Variants in ELMO1 observed in about 807,000 individuals in gnomAD.
The protein encoded by ELMO1 is engulfment and cell motility 1.
Under a neutral mutation model 98.9 loss-of-function variants are expected in ELMO1, and 26 were observed. The ratio of observed to expected loss-of-function variants is 0.26; its 90% CI spans 0.19 to 0.36. The LOEUF (loss-of-function observed/expected upper bound fraction) is 0.36, where lower values mean the gene tolerates loss of function less well. Among genes scored for constraint, ELMO1 ranks in the 10% least tolerant of loss-of-function variants. The pLI is 1.00. For synonymous variants in ELMO1, 346 were observed against 346.0 expected (o/e 1.00, Z 0.00); for missense variants, 627 against 935.2 (o/e 0.67, Z 4.30).
intron 13 of ELMO1, among the ~76,000 whole-genome samples, chr7:37,162,914 TA>T (rs1789329232): frequency 6.6e-6 from 1 of 152,156 alleles, no homozygotes; most frequent in South Asian, 2.1e-4. Context: ...AGACTCTAAT[TA>T]AGAGTAAAAA....
intron 1 of ELMO1, among the ~76,000 whole-genome samples, chr7:37,392,262 T>A (rs984212043): frequency 2.6e-5 from 4 of 152,182 alleles, no homozygotes; most frequent in African/African-American, 9.7e-5. Flanking sequence ...AGTTCCCACA[T>A]GGCCAGTGGT....
chr7:36,988,269 TCTC>T (rs1791647931), intron 16 of ELMO1, among the ~76,000 whole-genome samples: 1 of 152,180 alleles, frequency 6.6e-6, no homozygotes, highest in African/African-American at 2.4e-5. Context: ...TTCTGGAACA[TCTC>T]CTCTTAACTG....
At chr7:36,863,065 G>A (rs1416776516) in intron 20 of ELMO1, among the ~76,000 whole-genome samples, 1 of 152,138 alleles carries the variant, frequency 6.6e-6, no homozygotes, top group East Asian at 1.9e-4. Flanking sequence ...TCAGTGTCTG[G>A]TTCACCTCCA....
intron 1 of ELMO1, among the ~76,000 whole-genome samples, chr7:37,370,951 G>A (rs972148922): frequency 1.3e-5 from 2 of 152,160 alleles, no homozygotes; most frequent in Non-Finnish European, 2.9e-5. Flanking sequence ...TCTACACTAA[G>A]AGAGATGGAC....
intron 15 of ELMO1, among the ~76,000 whole-genome samples, chr7:37,059,036 G>A (rs1796535484): frequency 1.3e-5 from 2 of 152,190 alleles, no homozygotes; most frequent in Non-Finnish European, 2.9e-5. Flanking sequence ...GGCCACCTGA[G>A]GCAAGGAAAG....
intron 2 of ELMO1, among the ~76,000 whole-genome samples, chr7:37,322,730 G>A (rs1243560037): frequency 6.6e-6 from 1 of 151,934 alleles, no homozygotes; most frequent in Non-Finnish European, 1.5e-5. Flanking sequence ...TTGAGCCCAG[G>A]AAGCAGAGGT....
chr7:37,367,863 C>T (rs200724215), intron 1 of ELMO1, among the ~76,000 whole-genome samples: 2 of 152,028 alleles, frequency 1.3e-5, no homozygotes, highest in East Asian at 3.9e-4. Flanking sequence ...CATATATTAC[C>T]TCCTCCTATC....
At chr7:36,874,313 C>T (rs1470969649) in intron 19 of ELMO1, among the ~76,000 whole-genome samples, 2 of 152,200 alleles carry the variant, frequency 1.3e-5, no homozygotes, top group African/African-American at 4.8e-5. Flanking sequence ...TAGACAGTTA[C>T]ATTCAGATCT....
intron 16 of ELMO1, among the ~76,000 whole-genome samples, chr7:36,899,684 C>CTTTTTTTTTTCTTTTTTTTTTTTTTTTT (rs1806336112): frequency 1.6e-5 from 1 of 63,664 alleles, no homozygotes; most frequent in Admixed American, 2.4e-4. Flanking sequence ...CTTTACTCAT[C>CTTTTTTTTTTCTTTTTTTTTTTTTTTTT]TTTTTTTTTT....
At chr7:37,015,418 T>C (rs904469488) in intron 15 of ELMO1, among the ~76,000 whole-genome samples, 1 of 152,050 alleles carries the variant, frequency 6.6e-6, no homozygotes, top group Non-Finnish European at 1.5e-5. Flanking sequence ...CTGGCCAACA[T>C]GCTGAAATCC....
rs539342325 is a variant in ELMO1 at position 37,363,680 on chromosome 7, T to G, written c.-73-20917A>C. ...AAGCACACCTACCTCCTTTCACTTC[T>G]CCCCTTTCATTTTTTGCTAGAAGGG... On this transcript the variant is annotated intron_variant, in intron 1 of 21. Coordinates refer to ENST00000310758, the MANE Select transcript of ELMO1 (RefSeq NM_014800.11). Among the ~76,000 whole-genome samples, 11 of 152,280 alleles carry G rather than the reference T, an allele frequency of 7.2e-5. 1 individual carries two copies. The highest frequency in any genetic ancestry group is 2.6e-4 in the African/African-American group (11 of 41,550).
chr7:37,367,436 T>C lies in ELMO1; in HGVS notation c.-73-24673A>G, dbSNP rs188130725. 9.2e-5 allele frequency among the ~76,000 whole-genome samples: 14 copies of C among 152,336 alleles called. No individual in the cohort carries two copies. The East Asian group carries it at 2.5e-3, about 27-fold the overall frequency. The stretch of plus-strand genomic sequence containing the variant: ...CCATTTTACCTGTGGTCACATAGTA[T>C]GCTATCAATGAATATCTGGCAAGTG... On this transcript the variant is annotated intron_variant, in intron 1 of 21. Coordinates refer to ENST00000310758, the MANE Select transcript of ELMO1 (RefSeq NM_014800.11).
chr7:37,154,903 C>T (rs182288888), intron 13 of ELMO1, among the ~76,000 whole-genome samples: 1 of 152,302 alleles, frequency 6.6e-6, no homozygotes, highest in East Asian at 1.9e-4. Flanking sequence ...ATGTTAAGGG[C>T]AGCCAGAGAG....
chr7:36,928,244 C>T (rs73115375), intron 16 of ELMO1, among the ~76,000 whole-genome samples: 11,823 of 152,254 alleles, frequency 0.078, 533 homozygotes, highest in Middle Eastern at 0.15. Context: ...CTCCTGCCAC[C>T]TGTACTTCTA....
intron 13 of ELMO1, among the ~76,000 whole-genome samples, chr7:37,207,737 G>A: frequency 6.6e-6 from 1 of 151,770 alleles, no homozygotes; most frequent in African/African-American, 2.4e-5. Flanking sequence ...GAGGTCAGGA[G>A]TTTGAGACCA....
chr7:36,908,100 T>A (rs1324408919), intron 16 of ELMO1, among the ~76,000 whole-genome samples: 1 of 152,230 alleles, frequency 6.6e-6, no homozygotes, highest in Non-Finnish European at 1.5e-5. Context: ...CTAAACAGAA[T>A]TTCTATATCA....
chr7:37,384,126 G>C (rs963667305), intron 1 of ELMO1, among the ~76,000 whole-genome samples: 10 of 152,038 alleles, frequency 6.6e-5, no homozygotes, highest in African/African-American at 2.2e-4. Flanking sequence ...AAACATACAG[G>C]TTTTGATGGC....
At chr7:37,335,216 C>T (rs185389010) in intron 2 of ELMO1, among the ~76,000 whole-genome samples, 30 of 152,136 alleles carry the variant, frequency 2.0e-4, no homozygotes, top group African/African-American at 6.3e-4. Context: ...CATTATAATG[C>T]GATCAGAAAA....
intron 16 of ELMO1, among the ~76,000 whole-genome samples, chr7:36,967,036 G>GGT (rs2129127785): frequency 6.6e-6 from 1 of 152,292 alleles, no homozygotes; most frequent in Admixed American, 6.5e-5. Context: ...CATAGCTGCA[G>GGT]GTAGAATAAA....
Sources: allele counts gnomAD v4.1 joint callset (sites outside exome capture counted in the v4.1 genomes callset), GRCh38; gene constraint gnomAD v4.1.1; transcripts MANE v1.5; gene names NCBI Gene and HGNC (gene_info 2026-07-23, HGNC 2026-07-21).